Variants in RAI1 observed in about 807,000 individuals in gnomAD.
RAI1 encodes the protein retinoic acid induced 1.
In RAI1, 9 loss-of-function variants were observed where a neutral mutation model predicts 123.8. That is an observed-to-expected ratio of 0.07 (90% CI 0.04 to 0.13). The LOEUF (loss-of-function observed/expected upper bound fraction) is 0.13. RAI1 is among the 10% of genes least tolerant of loss of function. RAI1 has a pLI of 1.00. For synonymous variants in RAI1, 1,231 were observed against 1,127.3 expected (o/e 1.09, Z -1.84); for missense variants, 2,256 against 2,545.8 (o/e 0.89, Z 2.45).
chr17:17,746,224 C>T (rs1237824444), intron 2 of RAI1, among the ~76,000 whole-genome samples: 1 of 152,244 alleles, frequency 6.6e-6, no homozygotes, highest in Non-Finnish European at 1.5e-5. Context: ...TGCCCCCACT[C>T]GCCATCTCCG....
At chr17:17,698,217 G>A (rs1915098849) in intron 1 of RAI1, among the ~76,000 whole-genome samples, 2 of 152,240 alleles carry the variant, frequency 1.3e-5, no homozygotes, top group African/African-American at 4.8e-5. Context: ...GCAGAGGGCA[G>A]GCGCCCAGGT....
intron 1 of RAI1, among the ~76,000 whole-genome samples, chr17:17,705,140 T>C (rs1417923932): frequency 1.3e-5 from 2 of 152,352 alleles, no homozygotes; most frequent in African/African-American, 4.8e-5. Context: ...ACATCCTGAC[T>C]GATTCTTCAT....
intron 1 of RAI1, among the ~76,000 whole-genome samples, chr17:17,715,789 C>T (rs537321600): frequency 1.3e-5 from 2 of 152,274 alleles, no homozygotes; most frequent in South Asian, 2.1e-4. Context: ...AGGCTGTGCC[C>T]GATCCGATCC....
At chr17:17,752,306 G>A (rs1372756966) in intron 2 of RAI1, among the ~76,000 whole-genome samples, 2 of 152,216 alleles carry the variant, frequency 1.3e-5, no homozygotes, top group Non-Finnish European at 2.9e-5. Context: ...CCGGGCAGAC[G>A]CCCCTGATTG....
chr17:17,754,527 C>T (rs926107867), intron 2 of RAI1, among the ~76,000 whole-genome samples: 14 of 152,182 alleles, frequency 9.2e-5, no homozygotes, highest in African/African-American at 2.7e-4. Flanking sequence ...TGAGCCACTG[C>T]GCCCAGCCTC....
At chr17:17,712,939 C>T (rs1049980243) in intron 1 of RAI1, among the ~76,000 whole-genome samples, 8 of 150,364 alleles carry the variant, frequency 5.3e-5, no homozygotes, top group East Asian at 3.9e-4. Flanking sequence ...CCAGGACAGG[C>T]GAATCCAGAG....
At chr17:17,699,629 C>T (rs932534719) in intron 1 of RAI1, among the ~76,000 whole-genome samples, 93 of 50,682 alleles carry the variant, frequency 1.8e-3, no homozygotes, top group African/African-American at 3.4e-3. Flanking sequence ...GTCGGGGGGC[C>T]GGGGGGGGGG....
Position 17,794,546 on chromosome 17 carries a change from A to T in RAI1, c.1598A>T (p.Asn533Ile), listed in dbSNP as rs542908784. The T allele has an allele frequency of 1.2e-6, 2 of 1,613,144 alleles. No homozygotes were observed. The highest frequency in any genetic ancestry group is 1.7e-6 in the Non-Finnish European group (2 of 1,179,994). ...CTGGAGCGCAGCTTCCTCTACTGCA[A>T]CCAGGCCCGTGGCAGCCCTGCCAGG... The part of the protein sequence containing the change: ...DPLERSFLYC[N>I]QARGSPARVN... Residue 533 changes from asparagine to isoleucine, a missense_variant, in exon 3 of 6, where the codon AAC becomes ATC. By Grantham distance (149) the Asn-to-Ile change is moderately radical. Coordinates refer to ENST00000353383, the MANE Select transcript of RAI1 (RefSeq NM_030665.4).
chr17:17,779,143 G>A (rs2031465824), intron 2 of RAI1: 2 of 343,090 alleles, frequency 5.8e-6, no homozygotes, highest in South Asian at 2.3e-5. Flanking sequence ...CAAGGCATCA[G>A]CCGACAACCA....
intron 1 of RAI1, among the ~76,000 whole-genome samples, chr17:17,710,207 G>C (rs938111171): frequency 1.3e-5 from 2 of 152,196 alleles, no homozygotes; most frequent in African/African-American, 4.8e-5. Context: ...GCTTTTCACA[G>C]AGAATCAGAA....
At chr17:17,686,634 G>A (rs1362528456) in intron 1 of RAI1, among the ~76,000 whole-genome samples, 2 of 150,736 alleles carry the variant, frequency 1.3e-5, no homozygotes, top group South Asian at 2.1e-4. Flanking sequence ...GGAGGGGAGA[G>A]ATGGGGAAGA....
At chr17:17,744,568 A>G (rs142173632) in intron 2 of RAI1, among the ~76,000 whole-genome samples, 2 of 152,244 alleles carry the variant, frequency 1.3e-5, no homozygotes, top group East Asian at 3.9e-4. Flanking sequence ...CGAGGCGGAC[A>G]GATCACGAGG....
At chr17:17,808,199 C>T (rs2032632929) in intron 4 of RAI1, among the ~76,000 whole-genome samples, 1 of 152,040 alleles carries the variant, frequency 6.6e-6, no homozygotes, top group Admixed American at 6.6e-5. Flanking sequence ...AAGCCAGCTT[C>T]TCCCTAGGTG....
In RAI1 at chr17:17,681,662, G is replaced by A. The variant is rs1037495242; in HGVS notation, c.-280G>A. 1.6e-5 allele frequency: 4 copies of A among 255,346 alleles called. No homozygotes were observed. In the Admixed American group the frequency reaches 1.6e-4, roughly 10 times the overall value. 15.8% of individuals were successfully genotyped at this position (255,346 alleles called of 1,614,324 possible). ...CGCCGGCGCGAGGAGGGGGCGCCGC[G>A]GCCCACCCTCCTTCCTGCCTGGCCG... On this transcript the variant is annotated 5_prime_UTR_variant, in exon 1 of 6. Transcript: ENST00000353383.
Position 17,810,573 on chromosome 17 carries a change from G to A in RAI1, c.*592G>A, listed in dbSNP as rs1345395080. Reference sequence around the variant, plus strand: ...CCGGAGCCTTTGGAACAAACCGTGCGGAACGCGTCCAGGGGCCTTCCCGCC... The same window carrying A: ...CCGGAGCCTTTGGAACAAACCGTGCAGAACGCGTCCAGGGGCCTTCCCGCC... On this transcript the variant is annotated 3_prime_UTR_variant, in exon 6 of 6. Transcript: ENST00000353383. The surrounding 1 kb of genome is among the most constrained non-coding windows in gnomAD (Gnocchi z 4.6). The A allele has an allele frequency of 3.1e-6, 1 of 323,682 alleles. No individual in the cohort carries two copies. The highest frequency in any genetic ancestry group is 6.2e-6 in the Non-Finnish European group (1 of 162,322). 20.1% of individuals were successfully genotyped at this position (323,682 alleles called of 1,614,324 possible).
intron 2 of RAI1, among the ~76,000 whole-genome samples, chr17:17,790,942 C>T (rs1254157158): frequency 1.3e-5 from 2 of 152,252 alleles, no homozygotes; most frequent in Non-Finnish European, 2.9e-5. Flanking sequence ...CCCAGCTCCT[C>T]TGGGTTGGCG....
chr17:17,684,524 A>G (rs1259754655), intron 1 of RAI1: 1 of 152,014 alleles, frequency 6.6e-6, no homozygotes, highest in Non-Finnish European at 1.5e-5. Context: ...AAACTACTCA[A>G]GTAACACTTG....
Position 17,809,113 on chromosome 17 carries a change from C to T in RAI1, c.5660-277C>T, listed in dbSNP as rs2032653994. 1.9e-6 allele frequency: 1 copy of T among 538,948 alleles called. No homozygotes were observed. Among genetic ancestry groups the T allele is most frequent in the Admixed American group, 3.1e-5 (1 of 32,692 alleles). 33.4% of individuals were successfully genotyped at this position (538,948 alleles called of 1,614,324 possible). ...AGGGAGGGAGGGACTGAGGGACTGC[C>T]TCAAGTGAGGAGGGGCGGCACGTGG... On this transcript the variant is annotated intron_variant, in intron 4 of 5. Transcript: ENST00000353383. This position sits in a 1 kb window ranked among gnomAD's most constrained non-coding sequence, Gnocchi z 4.9.
rs1259427253 is a variant in RAI1 at position 17,685,585 on chromosome 17, G to A, written c.-149+3792G>A. On this transcript the variant is annotated intron_variant, in intron 1 of 5. Coordinates refer to ENST00000353383, the MANE Select transcript of RAI1 (RefSeq NM_030665.4). The surrounding 1 kb of genome is among the most constrained non-coding windows in gnomAD (Gnocchi z 4.0). ...GGGGAGGACTTGGCTCAGAAAGAATGGTGGCGGAAGAGGTTGGGCTGTTGC... is the reference window on the plus strand; with the variant it reads ...GGGGAGGACTTGGCTCAGAAAGAATAGTGGCGGAAGAGGTTGGGCTGTTGC... Among the ~76,000 whole-genome samples the A allele has an allele frequency of 1.3e-5, 2 of 152,198 alleles. No homozygotes were observed. The highest frequency in any genetic ancestry group is 2.9e-5 in the Non-Finnish European group (2 of 68,028).
Sources: allele counts gnomAD v4.1 joint callset (sites outside exome capture counted in the v4.1 genomes callset), GRCh38; gene constraint gnomAD v4.1.1; non-coding constraint Gnocchi (gnomAD v3.1); transcripts MANE v1.5; gene names NCBI Gene and HGNC (gene_info 2026-07-23, HGNC 2026-07-21).